Variants in PALLD observed in about 807,000 individuals in gnomAD.
PALLD encodes palladin, cytoskeletal associated protein, also known as palladin.
PALLD carries 61 observed loss-of-function variants against 123.5 expected under a neutral mutation model. That is an observed-to-expected ratio of 0.49 (90% confidence interval 0.40 to 0.61). The LOEUF (loss-of-function observed/expected upper bound fraction) is 0.61. PALLD is among the 20% of genes least tolerant of loss of function. The pLI, the probability that PALLD is intolerant of heterozygous loss-of-function variation, is 0.00. For synonymous variants in PALLD, 465 were observed against 496.4 expected, an observed-to-expected ratio of 0.94 and a Z score of 0.84; for missense variants, 1,273 against 1,377.0, an observed-to-expected ratio of 0.92 and a Z score of 1.20.
intron 2 of PALLD, chr4:168,631,536 G>A (rs910882346): frequency 4.7e-6 from 4 of 846,918 alleles, no homozygotes; most frequent in Admixed American, 6.2e-5. Flanking sequence ...TTCCTCCCCA[G>A]GACACACCCT....
intron 2 of PALLD, among the ~76,000 whole-genome samples, chr4:168,518,695 C>T (rs1187322085): frequency 3.9e-5 from 6 of 152,334 alleles, no homozygotes; most frequent in African/African-American, 1.4e-4. Context: ...GTCCTGCCTA[C>T]CTTACTCTCT....
chr4:168,900,047 G>A (rs192324649), intron 14 of PALLD, among the ~76,000 whole-genome samples: 109 of 152,302 alleles, frequency 7.2e-4, no homozygotes, highest in African/African-American at 2.5e-3. Context: ...AGGCGAAGGC[G>A]AAAAAGGTGA....
chr4:168,736,729 A>G (rs1581209212), intron 10 of PALLD, among the ~76,000 whole-genome samples: 1 of 152,136 alleles, frequency 6.6e-6, no homozygotes, highest in Non-Finnish European at 1.5e-5. Flanking sequence ...GAGGGAGCTA[A>G]CAAGCGGAAC....
At chr4:168,861,279 T>TA (rs11459765) in intron 10 of PALLD, among the ~76,000 whole-genome samples, 36,369 of 149,274 alleles carry the variant, frequency 0.24, 7,992 homozygotes, top group African/African-American at 0.59. Flanking sequence ...AATATGGAAT[T>TA]AAAAAAAAAA....
chr4:168,923,134 A>C (rs1369100486), intron 18 of PALLD, among the ~76,000 whole-genome samples: 2 of 152,218 alleles, frequency 1.3e-5, no homozygotes, highest in Non-Finnish European at 2.9e-5. Flanking sequence ...TATGACATTA[A>C]GACTTGTTTT....
At chr4:168,566,219 G>GAAT (rs773872650) in intron 2 of PALLD, among the ~76,000 whole-genome samples, 17,780 of 152,098 alleles carry the variant, frequency 0.12, 1,418 homozygotes, top group South Asian at 0.17. Flanking sequence ...TCTAGATTTA[G>GAAT]ACCTTGTTTT....
intron 10 of PALLD, among the ~76,000 whole-genome samples, chr4:168,873,319 G>C (rs948428778): frequency 4.6e-5 from 7 of 152,152 alleles, no homozygotes; most frequent in African/African-American, 1.7e-4. Flanking sequence ...GGTTCAGAGG[G>C]TGCAGTCTTG....
intron 2 of PALLD, among the ~76,000 whole-genome samples, chr4:168,602,060 C>T (rs1027133669): frequency 4.6e-5 from 7 of 152,162 alleles, no homozygotes; most frequent in Admixed American, 2.6e-4. Context: ...CTTGTGACTC[C>T]GGTGAGTCTG....
At chr4:168,764,661 T>A (rs12499664) in intron 10 of PALLD, among the ~76,000 whole-genome samples, 1 of 151,856 alleles carries the variant, frequency 6.6e-6, no homozygotes, top group Non-Finnish European at 1.5e-5. Flanking sequence ...CAGGTGTCCA[T>A]GCGTTAGGCA....
At position 168,683,158 on chromosome 4, in the gene PALLD, T is replaced by G. The variant is rs6813103; in HGVS notation, c.1260+55T>G. The G allele has an allele frequency of 2.1e-3, 2,058 of 962,232 alleles. 23 individuals are homozygous for G. The African/African-American group carries it at 0.028, about 13-fold the overall frequency. 59.6% of individuals were successfully genotyped at this position (962,232 alleles called of 1,614,324 possible). A position where few individuals can be genotyped will look rare whatever the true frequency, so the allele number is the denominator to read the frequency against. The stretch of plus-strand genomic sequence containing the variant: ...GGGGTCGAACTCATCAGCAAACTTG[T>G]GGATTTTAAGAATATGACTTTGATT... On this transcript the variant is annotated intron_variant, in intron 5 of 21. Transcript: ENST00000505667.
chr4:168,673,009 C>T (rs766906499), intron 3 of PALLD, among the ~76,000 whole-genome samples: 1 of 152,172 alleles, frequency 6.6e-6, no homozygotes, highest in Non-Finnish European at 1.5e-5. Flanking sequence ...ACTGGGGCAG[C>T]TACAGTTCCT....
intron 2 of PALLD, among the ~76,000 whole-genome samples, chr4:168,556,940 T>C (rs1767372846): frequency 6.6e-6 from 1 of 152,172 alleles, no homozygotes; most frequent in Non-Finnish European, 1.5e-5. Context: ...CTGCACAGAT[T>C]AGAAGGCAGG....
intron 10 of PALLD, chr4:168,877,732 G>A: frequency 1.7e-6 from 2 of 1,152,624 alleles, no homozygotes; most frequent in South Asian, 8.2e-5. Context: ...GGGACCCTCT[G>A]AAGCTCCAGC....
chr4:168,605,254 A>G (rs1250332412), intron 2 of PALLD, among the ~76,000 whole-genome samples: 1 of 21,576 alleles, frequency 4.6e-5, no homozygotes, highest in Non-Finnish European at 7.1e-5. Context: ...TTGGGGGATT[A>G]AAAAAAAAAA....
chr4:168,795,827 A>G (rs1327082891), intron 10 of PALLD, among the ~76,000 whole-genome samples: 1 of 150,848 alleles, frequency 6.6e-6, no homozygotes, highest in African/African-American at 2.4e-5. Context: ...TCCCCCCTCA[A>G]ACTCCCCCGT....
intron 6 of PALLD, among the ~76,000 whole-genome samples, chr4:168,687,737 A>G (rs944694973): frequency 2.0e-5 from 3 of 152,138 alleles, no homozygotes; most frequent in African/African-American, 4.8e-5. Flanking sequence ...CTCCCTTGCA[A>G]TCCAGCTCCC....
rs1755664691 is a variant in PALLD, at chr4:168,898,191, T to G, written c.2251-302T>G. On this transcript the variant is annotated intron_variant, in intron 13 of 21. Transcript: ENST00000505667. Reference sequence around the variant, plus strand: ...ACAGTTTAGGAATACATAGCTTTGCTTTTGCCTTTTTCTTTCCTTCCCCTT... The same window carrying G: ...ACAGTTTAGGAATACATAGCTTTGCGTTTGCCTTTTTCTTTCCTTCCCCTT... 1.2e-5 allele frequency: 5 copies of G among 427,914 alleles called. No individual in the cohort carries two copies. In the Admixed American group the frequency reaches 1.8e-4, roughly 15 times the overall value. 26.5% of individuals were successfully genotyped at this position (427,914 alleles called of 1,614,324 possible).
chr4:168,884,158 G>A (rs1288688562), intron 10 of PALLD, among the ~76,000 whole-genome samples: 1 of 152,088 alleles, frequency 6.6e-6, no homozygotes, highest in Non-Finnish European at 1.5e-5. Flanking sequence ...CTTTCCTCAT[G>A]CCTCCCCTTT....
intron 10 of PALLD, among the ~76,000 whole-genome samples, chr4:168,737,891 G>A (rs114919793): frequency 2.4e-3 from 372 of 152,248 alleles, no homozygotes; most frequent in African/African-American, 8.5e-3. Context: ...CAGTGGTTTC[G>A]GGCTGAGCAA....
Sources: gnomAD v4.1 joint callset for allele counts (sites outside exome capture counted in the v4.1 genomes callset) on GRCh38, gnomAD v4.1.1 for gene constraint, MANE v1.5 for transcripts, NCBI Gene and HGNC (gene_info 2026-07-23, HGNC 2026-07-21) for gene names.